MCCC1: variants seen among roughly 807,000 people sequenced by gnomAD.
The protein encoded by MCCC1 is methylcrotonoyl-CoA carboxylase subunit alpha, mitochondrial.
A neutral mutation model predicts 83.8 loss-of-function variants in MCCC1; 64 were observed. That is an observed-to-expected ratio of 0.76 (90% CI 0.62 to 0.94). MCCC1 has a LOEUF of 0.94. MCCC1 is among the 40% of genes least tolerant of loss of function. The pLI, the probability that MCCC1 is intolerant of heterozygous loss-of-function variation, is 0.00. For missense variants in MCCC1, 807 were observed against 904.7 expected (o/e 0.89, Z 1.39); for synonymous variants, 322 against 315.4 (o/e 1.02, Z -0.22).
At chr3:183,083,202 G>C (rs1162477452) in intron 4 of MCCC1, among the ~76,000 whole-genome samples, 1 of 152,072 alleles carries the variant, frequency 6.6e-6, no homozygotes, top group East Asian at 1.9e-4. Flanking sequence ...TCCTTTACTA[G>C]ATGGCCAATA....
chr3:183,074,728 T>TA (rs1716940968), intron 4 of MCCC1, among the ~76,000 whole-genome samples: 1 of 152,212 alleles, frequency 6.6e-6, no homozygotes. Context: ...AATTTTATTT[T>TA]ATTAACTTTT....
chr3:183,064,676 G>A lies in MCCC1; in HGVS notation c.761+6323C>T, dbSNP rs922141557. On this transcript the variant is annotated intron_variant, in intron 7 of 18. Coordinates refer to ENST00000265594, the MANE Select transcript of MCCC1 (RefSeq NM_020166.5). This position sits in a 1 kb window ranked among gnomAD's most constrained non-coding sequence, Gnocchi z 4.5. The stretch of plus-strand genomic sequence containing the variant: ...CACCGGCGGCCACACTGCCTCGGCC[G>A]ACCCACGTCCTGGCATGGCTGCTGG... Among the ~76,000 whole-genome samples the A allele has an allele frequency of 3.9e-5, 6 of 152,228 alleles. No individual in the cohort carries two copies. The highest frequency in any genetic ancestry group is 1.4e-4 in the African/African-American group (6 of 41,468).
chr3:183,015,439 T>C lies in MCCC1; in HGVS notation c.2177A>G (p.Ter726=). Residue 726 remains the stop codon, a stop_retained_variant, in exon 19 of 19, where the codon TAA becomes TGA. Transcript: ENST00000265594. ...EEESDKRESE[*] is the part of the protein sequence containing the mutation. ...AACTGGCCATTTCCTTGCTGGAGTT[T>C]ATTCCGATTCCCTTTTGTCTGATTC... 6.2e-7 allele frequency: 1 copy of C among 1,614,176 alleles called. No homozygotes were observed. Among genetic ancestry groups the C allele is most frequent in the Non-Finnish European group, 8.5e-7 (1 of 1,180,020 alleles).
intron 10 of MCCC1, among the ~76,000 whole-genome samples, chr3:183,042,100 C>G (rs1460141194): frequency 6.6e-6 from 1 of 152,152 alleles, no homozygotes; most frequent in African/African-American, 2.4e-5. Flanking sequence ...AAAACATTAG[C>G]ACTTAATTCC....
intron 1 of MCCC1, among the ~76,000 whole-genome samples, chr3:183,113,479 G>A (rs1719535681): frequency 1.3e-5 from 2 of 151,652 alleles, no homozygotes. Context: ...ACGAGTTAAT[G>A]AGTGCAGCAC....
At chr3:183,069,750 T>A (rs1479460112) in intron 7 of MCCC1, among the ~76,000 whole-genome samples, 1 of 152,118 alleles carries the variant, frequency 6.6e-6, no homozygotes, top group South Asian at 2.1e-4. Context: ...GTCACACACA[T>A]ATATATATAA....
chr3:183,105,286 G>T (rs1281917699), intron 1 of MCCC1, among the ~76,000 whole-genome samples: 1 of 152,218 alleles, frequency 6.6e-6, no homozygotes, highest in East Asian at 1.9e-4. Flanking sequence ...AAAGGTTGCA[G>T]TGAGCTGAGG....
intron 10 of MCCC1, 81 bp from the exon 11 acceptor site, chr3:183,041,831 T>C: frequency 2.0e-6 from 3 of 1,505,034 alleles, no homozygotes; most frequent in Admixed American, 1.7e-5. Context: ...TTGCTTTTTT[T>C]CTAGGTAAAA....
At chr3:183,031,424 A>G (rs1190529100) in intron 14 of MCCC1, among the ~76,000 whole-genome samples, 8 of 148,142 alleles carry the variant, frequency 5.4e-5, no homozygotes, top group Admixed American at 5.4e-4. Context: ...TACTTAAAAT[A>G]GTTGGTCATT....
At chr3:183,020,038 G>A (rs1712019392) in intron 17 of MCCC1, 92 bp downstream of exon 17, 2 of 979,382 alleles carry the variant, frequency 2.0e-6, no homozygotes, top group Non-Finnish European at 3.2e-6. Context: ...AATGAGCAAG[G>A]TTTAGAAAGG....
At chr3:183,092,894 CTTAT>C (rs1333386915) in intron 2 of MCCC1, among the ~76,000 whole-genome samples, 4 of 151,828 alleles carry the variant, frequency 2.6e-5, no homozygotes, top group African/African-American at 9.7e-5. Context: ...TATTTATTTA[CTTAT>C]TTATTTATTT....
intron 14 of MCCC1, among the ~76,000 whole-genome samples, chr3:183,032,792 C>G (rs565071426): frequency 2.0e-5 from 3 of 150,778 alleles, no homozygotes; most frequent in Non-Finnish European, 4.4e-5. Flanking sequence ...GAGAATGGCA[C>G]GAACCCAGGA....
upstream of MCCC1, among the ~76,000 whole-genome samples, chr3:183,102,797 T>G (rs1026057652): frequency 8.9e-6 from 1 of 112,666 alleles, no homozygotes; most frequent in African/African-American, 4.3e-5. Context: ...TTTTTTTTTT[T>G]TTTTTTTGAG....
At chr3:183,040,282 T>C (rs138514521) in intron 11 of MCCC1, among the ~76,000 whole-genome samples, 192 of 152,160 alleles carry the variant, frequency 1.3e-3, no homozygotes, top group African/African-American at 4.4e-3. Context: ...TTTAGGACAC[T>C]AGGATTTGCC....
chr3:183,030,239 C>T (rs1420775221), intron 14 of MCCC1, among the ~76,000 whole-genome samples: 1 of 152,038 alleles, frequency 6.6e-6, no homozygotes, highest in Non-Finnish European at 1.5e-5. Flanking sequence ...ACCCGGGAGG[C>T]AGAAGTTGCA....
chr3:183,050,377 A>G (rs2108494023), intron 9 of MCCC1, among the ~76,000 whole-genome samples: 1 of 151,924 alleles, frequency 6.6e-6, no homozygotes, highest in East Asian at 1.9e-4. Context: ...TATATACTGG[A>G]CTTCATTAAA....
chr3:183,050,371 T>C (rs1032369681), intron 9 of MCCC1, among the ~76,000 whole-genome samples: 1 of 151,980 alleles, frequency 6.6e-6, no homozygotes, highest in African/African-American at 2.4e-5. Flanking sequence ...ATAATTTATA[T>C]ACTGGACTTC....
chr3:183,018,638 AC>A (rs1711891570), intron 17 of MCCC1, among the ~76,000 whole-genome samples: 1 of 151,992 alleles, frequency 6.6e-6, no homozygotes, highest in Non-Finnish European at 1.5e-5. Flanking sequence ...ACATGAATAT[AC>A]TCCATGTATT....
chr3:183,106,671 A>G (rs560062748), intron 1 of MCCC1, among the ~76,000 whole-genome samples: 1 of 151,952 alleles, frequency 6.6e-6, no homozygotes, highest in South Asian at 2.1e-4. Flanking sequence ...TAATTTTTGT[A>G]TTTTTAGTAG....
Sources: gnomAD v4.1 joint callset for allele counts (sites outside exome capture counted in the v4.1 genomes callset) on GRCh38, gnomAD v4.1.1 for gene constraint, Gnocchi (gnomAD v3.1) non-coding constraint, MANE v1.5 for transcripts, NCBI Gene and HGNC (gene_info 2026-07-23, HGNC 2026-07-21) for gene names.